The following PATJ variants were observed in gnomAD, a reference collection of about 807,000 sequenced individuals.
The protein encoded by PATJ is inaD-like protein.
A neutral mutation model predicts 224.9 loss-of-function variants in PATJ; 190 were observed. The ratio of observed to expected loss-of-function variants is 0.84; its 90% confidence interval spans 0.75 to 0.95. PATJ has a LOEUF of 0.95. PATJ is among the 40% of genes least tolerant of loss of function. The probability of loss-of-function intolerance (pLI) is 0.00; values close to 1 mark genes in which losing one functional copy is unlikely to be tolerated. For synonymous variants in PATJ, 769 were observed against 820.3 expected (o/e 0.94, Z 1.07); for missense variants, 2,121 against 2,270.3 (o/e 0.93, Z 1.34).
chr1:61,989,878 T>C (rs932321958), intron 27 of PATJ, among the ~76,000 whole-genome samples: 1 of 152,138 alleles, frequency 6.6e-6, no homozygotes, highest in African/African-American at 2.4e-5. Context: ...TTCTCAAAAA[T>C]AAACTATTAT....
At chr1:62,089,910 C>T (rs1012700665) in intron 33 of PATJ, among the ~76,000 whole-genome samples, 2 of 152,156 alleles carry the variant, frequency 1.3e-5, no homozygotes, top group African/African-American at 4.8e-5. Context: ...AAGAGTATGT[C>T]CTGACTTCTG....
intron 4 of PATJ, among the ~76,000 whole-genome samples, chr1:61,768,567 A>G (rs1646425774): frequency 6.6e-6 from 1 of 152,168 alleles, no homozygotes; most frequent in African/African-American, 2.4e-5. Context: ...GACAGGCTAA[A>G]TACTGGCATT....
intron 18 of PATJ, among the ~76,000 whole-genome samples, chr1:61,860,646 C>T (rs538797500): frequency 4.6e-4 from 70 of 152,014 alleles, no homozygotes; most frequent in Non-Finnish European, 8.8e-4. Context: ...CCCAACATGG[C>T]GAAACCTCGT....
Position 61,884,317 on chromosome 1 carries a change from T to G in PATJ, c.3040T>G (p.Leu1014Val), listed in dbSNP as rs746834910. Residue 1014 changes from leucine (L) to valine (V), a missense_variant, in exon 22 of 44, where the codon TTG (leucine) becomes GTG (valine). Transcript: ENST00000642238. ...GGCTCAAAGGAGGGAGCAAGAAGAT[T>G]TGCCTTTATATCAACACCAAGCGAC... is the stretch of plus-strand genomic sequence containing the variant. ...VVAQRREQEDLPLYQHQATRV... is the reference protein window; with the variant it reads ...VVAQRREQEDVPLYQHQATRV... 5.6e-6 allele frequency: 9 copies of G among 1,613,668 alleles called. No individual in the cohort carries two copies. Among genetic ancestry groups the G allele is most frequent in the Non-Finnish European group, 7.6e-6 (9 of 1,179,900 alleles).
At chr1:61,743,036 C>T (rs928590519) in intron 1 of PATJ, among the ~76,000 whole-genome samples, 19 of 152,224 alleles carry the variant, frequency 1.2e-4, no homozygotes, top group East Asian at 7.8e-4. Context: ...CCATCGGTGG[C>T]CGTGGAAGGA....
chr1:61,929,681 T>TG (rs1675729830), intron 27 of PATJ, among the ~76,000 whole-genome samples: 1 of 152,204 alleles, frequency 6.6e-6, no homozygotes, highest in African/African-American at 2.4e-5. Flanking sequence ...CCAGAGCCTA[T>TG]AACATCATCG....
At chr1:61,761,948 A>G (rs1281846308) in intron 1 of PATJ, among the ~76,000 whole-genome samples, 3 of 152,048 alleles carry the variant, frequency 2.0e-5, no homozygotes, top group African/African-American at 7.2e-5. Flanking sequence ...TCGGCCTCCC[A>G]AAGTGCTGGG....
chr1:61,869,300 G>A (rs570893099), intron 20 of PATJ, among the ~76,000 whole-genome samples: 2 of 151,570 alleles, frequency 1.3e-5, no homozygotes, highest in Admixed American at 1.3e-4. Flanking sequence ...TAGAGACGGG[G>A]TTTCACCGTT....
rs1255702007 is a variant in PATJ at position 61,927,723 on chromosome 1, T to A, written c.3571-7T>A. The A allele has an allele frequency of 1.9e-6, 3 of 1,601,402 alleles. No individual in the cohort carries two copies. In the South Asian group the frequency reaches 3.3e-5, roughly 18 times the overall value. On this transcript the variant is annotated splice_region_variant and splice_polypyrimidine_tract_variant and intron_variant, in intron 26 of 43. Transcript: ENST00000642238. ...TTTAACCCTTCTCTCAAATTTTGCA[T>A]CTTCAGAGGCAAGGAACTGCTCCAC...
Position 61,900,598 on chromosome 1 carries a change from C to CT in PATJ, c.3204-675dup, listed in dbSNP as rs112855003. Among the ~76,000 whole-genome samples the CT allele has an allele frequency of 1.1e-4, 9 of 82,498 alleles. 1 individual carries two copies. Among genetic ancestry groups the CT allele is most frequent in the African/African-American group, 2.2e-4 (5 of 22,554 alleles). 54.1% of individuals were successfully genotyped at this position (82,498 alleles called of 152,430 possible). On this transcript the variant is annotated intron_variant, in intron 23 of 43. Transcript: ENST00000642238. ...ATGTGGCTTTCTTTTCTTTTCTTTT[C>CT]TTTTTTTTTGAGACGGAGTCTGGCT...
chr1:62,063,376 G>A (rs538937410), intron 31 of PATJ, among the ~76,000 whole-genome samples: 1 of 152,086 alleles, frequency 6.6e-6, no homozygotes, highest in Non-Finnish European at 1.5e-5. Flanking sequence ...GTCTGTTTTT[G>A]TGCCAGTACC....
chr1:62,086,732 GA>G lies in PATJ; in HGVS notation c.4377+2085del, dbSNP rs767789711. 1.3e-5 allele frequency among the ~76,000 whole-genome samples: 2 copies of G among 152,134 alleles called. No individual in the cohort carries two copies. The highest frequency in any genetic ancestry group is 2.9e-5 in the Non-Finnish European group (2 of 68,012). ...AGAAACCAGGGTCTTGATGATGCAGGAGTTTTCTCTTGACCCCTTCATCAGA... is the reference window on the plus strand; with the variant it reads ...AGAAACCAGGGTCTTGATGATGCAGGGTTTTCTCTTGACCCCTTCATCAGA... On this transcript the variant is annotated intron_variant, in intron 33 of 43. Coordinates refer to ENST00000642238, the MANE Select transcript of PATJ (RefSeq NM_001350145.3). This position sits in a 1 kb window ranked among gnomAD's most constrained non-coding sequence, Gnocchi z 4.0.
chr1:61,751,909 C>A (rs988455367), intron 1 of PATJ, among the ~76,000 whole-genome samples: 5 of 152,008 alleles, frequency 3.3e-5, no homozygotes, highest in Admixed American at 3.3e-4. Context: ...GAGGCCGAGG[C>A]GGGTGGATCA....
intron 19 of PATJ, 36 bp from the exon 20 acceptor site, chr1:61,864,202 C>T (rs1232187292): frequency 7.1e-6 from 11 of 1,543,072 alleles, no homozygotes; most frequent in South Asian, 1.2e-5. Flanking sequence ...TCAGGACAGG[C>T]GTAACTTCAC....
At chr1:61,992,664 AC>A (rs1198777778) in intron 28 of PATJ, among the ~76,000 whole-genome samples, 1 of 152,202 alleles carries the variant, frequency 6.6e-6, no homozygotes. Context: ...TGATATCCAG[AC>A]CAACAGGAGC....
intron 40 of PATJ, chr1:62,128,509 T>G (rs575926924): frequency 3.6e-6 from 1 of 281,190 alleles, no homozygotes; most frequent in African/African-American, 2.2e-5. Context: ...ATATTTGGCT[T>G]CCTCATTAGA....
At chr1:62,039,454 A>G (rs1158572730) in intron 30 of PATJ, among the ~76,000 whole-genome samples, 1 of 152,202 alleles carries the variant, frequency 6.6e-6, no homozygotes, top group African/African-American at 2.4e-5. Flanking sequence ...AGGTGTGAAT[A>G]AAACTAAGGC....
chr1:61,812,362 GAGAGAGAGAGAGA>G (rs1654961651), intron 14 of PATJ, among the ~76,000 whole-genome samples: 1 of 4,558 alleles, frequency 2.2e-4, no homozygotes, highest in Non-Finnish European at 4.6e-4. Flanking sequence ...AATAGAGAGA[GAGAGAGAGAGAGA>G]GAGAGAGAGA....
Position 62,057,672 on chromosome 1 carries a change from CAG to C in PATJ, c.4125+6619_4125+6620del, listed in dbSNP as rs765274238. 1.2e-3 allele frequency among the ~76,000 whole-genome samples: 187 copies of C among 152,356 alleles called. 1 individual carries two copies. Among genetic ancestry groups the C allele is most frequent in the Middle Eastern group, 3.4e-3 (1 of 294 alleles). On this transcript the variant is annotated intron_variant, in intron 31 of 43. Coordinates refer to ENST00000642238, the MANE Select transcript of PATJ (RefSeq NM_001350145.3). The stretch of plus-strand genomic sequence containing the variant: ...GTATGGGTTTACTAGGTAAGTTTCA[CAG>C]AGAGTTGTCAGTAAAATAATTGACG...
Sources: allele counts gnomAD v4.1 joint callset (sites outside exome capture counted in the v4.1 genomes callset), GRCh38; gene constraint gnomAD v4.1.1; non-coding constraint Gnocchi (gnomAD v3.1); transcripts MANE v1.5; gene names NCBI Gene and HGNC (gene_info 2026-07-23, HGNC 2026-07-21).